MAGI2: variants seen among roughly 807,000 people sequenced by gnomAD.
MAGI2 encodes membrane-associated guanylate kinase, WW and PDZ domain-containing protein 2.
Under a neutral mutation model 133.3 loss-of-function variants are expected in MAGI2, and 35 were observed. The observed-to-expected ratio is 0.26, with a 90% CI of 0.20 to 0.35. The LOEUF is 0.35. MAGI2 is among the 10% of genes least tolerant of loss of function. MAGI2 has a pLI of 1.00. For synonymous variants in MAGI2, 729 were observed against 710.6 expected (o/e 1.03, Z -0.41); for missense variants, 1,636 against 1,863.4 (o/e 0.88, Z 2.25).
chr7:78,123,495 TG>T (rs1282844021), intron 20 of MAGI2, among the ~76,000 whole-genome samples: 7 of 152,166 alleles, frequency 4.6e-5, no homozygotes, highest in African/African-American at 1.7e-4. Context: ...TCTTGCACTT[TG>T]GGGCCATTAC....
intron 1 of MAGI2, among the ~76,000 whole-genome samples, chr7:79,206,139 A>G (rs1415826144): frequency 6.6e-6 from 1 of 151,728 alleles, no homozygotes; most frequent in East Asian, 1.9e-4. Flanking sequence ...AAAGATCTCA[A>G]ATAAATAACC....
At chr7:78,424,474 C>T (rs905194242) in intron 6 of MAGI2, among the ~76,000 whole-genome samples, 2 of 152,188 alleles carry the variant, frequency 1.3e-5, no homozygotes, top group Admixed American at 1.3e-4. Context: ...AGAGTCCTTA[C>T]TGGGGCACCT....
chr7:78,233,875 C>A (rs2150882621), intron 10 of MAGI2, among the ~76,000 whole-genome samples: 1 of 152,054 alleles, frequency 6.6e-6, no homozygotes, highest in Middle Eastern at 3.4e-3. Flanking sequence ...AAGGATGCGC[C>A]TAGGTAGAAG....
intron 1 of MAGI2, among the ~76,000 whole-genome samples, chr7:79,020,096 G>A (rs1305233520): frequency 6.6e-6 from 1 of 152,212 alleles, no homozygotes; most frequent in Non-Finnish European, 1.5e-5. Flanking sequence ...ATGAAGTCCA[G>A]GCTGAGGTAG....
chr7:78,192,221 T>C (rs946993899), intron 12 of MAGI2, among the ~76,000 whole-genome samples: 1 of 152,198 alleles, frequency 6.6e-6, no homozygotes, highest in African/African-American at 2.4e-5. Flanking sequence ...CTGGTTGCAC[T>C]GATTTTTCCC....
chr7:78,932,605 T>C (rs947484053), intron 2 of MAGI2, among the ~76,000 whole-genome samples: 1 of 152,024 alleles, frequency 6.6e-6, no homozygotes, highest in East Asian at 1.9e-4. Context: ...TGCCACTTAA[T>C]GGCATGCAGA....
intron 1 of MAGI2, among the ~76,000 whole-genome samples, chr7:79,174,861 A>G (rs921617685): frequency 1.4e-4 from 21 of 152,022 alleles, no homozygotes; most frequent in African/African-American, 4.8e-4. Context: ...TCCTTTTCAA[A>G]TCTTGCAAGA....
chr7:79,163,036 C>CA (rs1030659779), intron 1 of MAGI2, among the ~76,000 whole-genome samples: 14 of 151,706 alleles, frequency 9.2e-5, no homozygotes, highest in South Asian at 2.1e-4. Flanking sequence ...CAAAACAAAA[C>CA]AAAAAAAACA....
intron 1 of MAGI2, among the ~76,000 whole-genome samples, chr7:79,123,975 C>T (rs1278375732): frequency 6.6e-6 from 1 of 151,926 alleles, no homozygotes; most frequent in African/African-American, 2.4e-5. Flanking sequence ...CTCACCTTTT[C>T]ACTGTCCTGT....
intron 2 of MAGI2, among the ~76,000 whole-genome samples, chr7:78,801,088 G>T (rs935079778): frequency 2.0e-5 from 3 of 152,042 alleles, no homozygotes; most frequent in Non-Finnish European, 4.4e-5. Context: ...TCATATTTGG[G>T]CAATGCATTG....
intron 1 of MAGI2, among the ~76,000 whole-genome samples, chr7:79,057,386 C>G (rs976559875): frequency 8.6e-5 from 13 of 151,974 alleles, no homozygotes; most frequent in African/African-American, 3.1e-4. Flanking sequence ...ATTTGTATTG[C>G]TATTTTAAAG....
intron 2 of MAGI2, chr7:78,901,634 G>C (rs1269768605): frequency 6.6e-6 from 1 of 151,464 alleles, no homozygotes. Flanking sequence ...CAATTTTGTT[G>C]GTGTCATGTA....
intron 3 of MAGI2, among the ~76,000 whole-genome samples, chr7:78,598,412 T>C (rs1178370872): frequency 1.3e-5 from 2 of 151,960 alleles, no homozygotes; most frequent in Non-Finnish European, 2.9e-5. Context: ...CCTTGAGTTA[T>C]GAGAGGGCAT....
At chr7:79,445,672 G>A (rs1368322240) in intron 1 of MAGI2, among the ~76,000 whole-genome samples, 4 of 152,184 alleles carry the variant, frequency 2.6e-5, no homozygotes, top group Admixed American at 6.5e-5. Context: ...AACAACAGGC[G>A]CTGGAGAGGA....
intron 2 of MAGI2, among the ~76,000 whole-genome samples, chr7:78,662,643 C>T (rs2151045831): frequency 6.6e-6 from 1 of 152,038 alleles, no homozygotes; most frequent in Admixed American, 6.5e-5. Flanking sequence ...ACCATCATTG[C>T]ACTTCTGTAA....
intron 1 of MAGI2, among the ~76,000 whole-genome samples, chr7:79,033,954 T>A (rs1810872779): frequency 6.7e-6 from 1 of 148,588 alleles, no homozygotes. Flanking sequence ...TTGTATTTTG[T>A]ATTTAAAAAA....
chr7:79,168,230 C>A (rs1825137241), intron 1 of MAGI2, among the ~76,000 whole-genome samples: 1 of 151,934 alleles, frequency 6.6e-6, no homozygotes, highest in African/African-American at 2.4e-5. Context: ...GTCTTTAATT[C>A]CTCTAGCCCT....
intron 1 of MAGI2, among the ~76,000 whole-genome samples, chr7:79,054,480 A>G (rs576345520): frequency 2.2e-4 from 33 of 152,284 alleles, no homozygotes; most frequent in Non-Finnish European, 2.6e-4. Flanking sequence ...CCTGAGTTCA[A>G]AACAAACTTG....
chr7:78,271,908 C>G (rs1794617402), intron 9 of MAGI2, among the ~76,000 whole-genome samples: 1 of 152,012 alleles, frequency 6.6e-6, no homozygotes. Context: ...CCTAGATGCA[C>G]TGATTTTTTA....
Sources: gnomAD v4.1 joint callset for allele counts (sites outside exome capture counted in the v4.1 genomes callset) on GRCh38, gnomAD v4.1.1 for gene constraint, MANE v1.5 for transcripts, NCBI Gene and HGNC (gene_info 2026-07-23, HGNC 2026-07-21) for gene names.